The following CAMSAP1 variants were observed in gnomAD, a reference collection of about 807,000 sequenced individuals.
CAMSAP1 encodes the protein calmodulin regulated spectrin associated protein 1.
A neutral mutation model predicts 143.5 loss-of-function variants in CAMSAP1; 58 were observed. The observed-to-expected ratio is 0.40, with a 90% CI of 0.33 to 0.50. The LOEUF is 0.50. Ranked by LOEUF, CAMSAP1 falls within the 20% of genes least tolerant of loss-of-function variation. The probability of loss-of-function intolerance (pLI) is 0.45; values close to 1 mark genes in which losing one functional copy is unlikely to be tolerated. For synonymous variants in CAMSAP1, 945 were observed against 859.3 expected, an observed-to-expected ratio of 1.10 and a Z score of -1.74; for missense variants, 1,969 against 2,115.7, an observed-to-expected ratio of 0.93 and a Z score of 1.36.
Position 135,821,751 on chromosome 9 carries a change from C to T in CAMSAP1, c.2910G>A (p.Glu970=), listed in dbSNP as rs1835470758. Reference sequence around the variant, plus strand: ...GGCTCTCTTTGTCCACATCCTGTGGCTCGTGAAGGAGCTCCTCTCTCTGCT... The same window carrying T: ...GGCTCTCTTTGTCCACATCCTGTGGTTCGTGAAGGAGCTCCTCTCTCTGCT... ...KEEQREELLH[E]PQDVDKESLA... The change falls in exon 11 of 17, where the codon GAG becomes GAA. Residue 970 remains glutamate, a synonymous_variant. Coordinates refer to ENST00000389532, the MANE Select transcript of CAMSAP1 (RefSeq NM_015447.4). The surrounding 1 kb of genome is among the most constrained non-coding windows in gnomAD (Gnocchi z 4.6). 3 of 1,613,846 alleles carry T rather than the reference C, an allele frequency of 1.9e-6. No homozygotes were observed. The highest frequency in any genetic ancestry group is 1.3e-5 in the African/African-American group (1 of 74,926).
chr9:135,900,926 G>A (rs1250934904), intron 1 of CAMSAP1, among the ~76,000 whole-genome samples: 1 of 151,728 alleles, frequency 6.6e-6, no homozygotes, highest in East Asian at 2.0e-4. Flanking sequence ...AGCTAATTTT[G>A]TATTTTTAGT....
In CAMSAP1 at chr9:135,811,214, CAATA is replaced by C; in HGVS notation, c.*91_*94del. The C allele has an allele frequency of 7.3e-7, 1 of 1,374,334 alleles. No individual in the cohort carries two copies. Among genetic ancestry groups the C allele is most frequent in the East Asian group, 2.5e-5 (1 of 40,090 alleles). The allele number at this position is 1,374,334 out of a possible 1,614,324, so 85.1% of individuals were successfully genotyped here. ...CACTTCGTACCCAAATAGATGAAAA[CAATA>C]AATAAGGACCCCGTGGCACCCTCTG... is the stretch of plus-strand genomic sequence containing the variant. On this transcript the variant is annotated 3_prime_UTR_variant, in exon 17 of 17. Coordinates refer to ENST00000389532, the MANE Select transcript of CAMSAP1 (RefSeq NM_015447.4). The surrounding 1 kb of genome is among the most constrained non-coding windows in gnomAD (Gnocchi z 4.9).
chr9:135,845,985 T>C (rs769536260), intron 7 of CAMSAP1, among the ~76,000 whole-genome samples: 4 of 148,574 alleles, frequency 2.7e-5, no homozygotes, highest in East Asian at 2.0e-4. Flanking sequence ...CAAACTACCA[T>C]TGACTTTCTT....
rs1588444400 is a variant in CAMSAP1, at chr9:135,821,434, A to C, written c.3227T>G (p.Val1076Gly). 6.2e-7 allele frequency: 1 copy of C among 1,614,042 alleles called. No homozygotes were observed. The highest frequency in any genetic ancestry group is 8.5e-7 in the Non-Finnish European group (1 of 1,179,892). ...CACGCCCGTGGGAGAGAGTGGCTCC[A>C]CGAAGTGGACTGGTGCCTTCACTTT... is the stretch of plus-strand genomic sequence containing the variant. ...DHKVKAPVHF[V>G]EPLSPTGVAG... Residue 1076 changes from valine to glycine, a missense_variant, in exon 11 of 17, where the codon GTG becomes GGG. Physicochemically the swap from Val to Gly is moderately radical, Grantham distance 109 (BLOSUM62 -3). Transcript: ENST00000389532. The surrounding 1 kb of genome is among the most constrained non-coding windows in gnomAD (Gnocchi z 4.6).
intron 1 of CAMSAP1, among the ~76,000 whole-genome samples, chr9:135,905,985 A>G (rs1180579991): frequency 1.3e-5 from 2 of 152,218 alleles, no homozygotes; most frequent in African/African-American, 4.8e-5. Context: ...GTAAAACTGA[A>G]AACTGTCAAA....
Position 135,848,287 on chromosome 9 carries a change from G to T in CAMSAP1, c.1045+1850C>A, listed in dbSNP as rs117341719. ...GAGGTGACTTAAGAACATTCTAACA[G>T]CAAGGTAACCCAGTTCTAAGCTTTT... On this transcript the variant is annotated intron_variant, in intron 7 of 16. Coordinates refer to ENST00000389532, the MANE Select transcript of CAMSAP1 (RefSeq NM_015447.4). 1.0e-3 allele frequency among the ~76,000 whole-genome samples: 152 copies of T among 152,164 alleles called. No homozygotes were observed. In the East Asian group the frequency reaches 0.014, roughly 14 times the overall value.
At chr9:135,878,942 T>C (rs76487513) in intron 3 of CAMSAP1, among the ~76,000 whole-genome samples, 1 of 151,980 alleles carries the variant, frequency 6.6e-6, no homozygotes, top group East Asian at 1.9e-4. Context: ...GAAAAGGTCA[T>C]GAAAACTAAA....
At position 135,822,401 on chromosome 9, in the gene CAMSAP1, C is replaced by T. The variant is rs1295611228; in HGVS notation, c.2260G>A (p.Gly754Ser). Residue 754 changes from glycine to serine, a missense_variant, in exon 11 of 17, where the codon GGT becomes AGT. Around this residue, in one of 4 missense-constraint regions of CAMSAP1, gnomAD observed 1,390 missense variants for 1,420.8 expected, o/e 0.98. Transcript: ENST00000389532. This position sits in a 1 kb window ranked among gnomAD's most constrained non-coding sequence, Gnocchi z 6.1. ...CTGAAAACCACAGGATGGGCCTCACCCATGAAATCGTGCTCGGCTTCCTCT... is the reference window on the plus strand; with the variant it reads ...CTGAAAACCACAGGATGGGCCTCACTCATGAAATCGTGCTCGGCTTCCTCT... Reference protein sequence around the residue: ...DIEEAEHDFMGEAHPVVFSRY... With the variant: ...DIEEAEHDFMSEAHPVVFSRY... The T allele has an allele frequency of 1.9e-6, 3 of 1,613,888 alleles. No individual in the cohort carries two copies. The African/African-American group carries it at 4.0e-5, about 22-fold the overall frequency.
chr9:135,873,533 C>T (rs1042263783), intron 3 of CAMSAP1, among the ~76,000 whole-genome samples: 5 of 151,898 alleles, frequency 3.3e-5, no homozygotes, highest in Non-Finnish European at 5.9e-5. Flanking sequence ...GTTGATAAAT[C>T]GGACTAATCA....
At chr9:135,906,505 G>A (rs866741600) in intron 1 of CAMSAP1, among the ~76,000 whole-genome samples, 1 of 152,272 alleles carries the variant, frequency 6.6e-6, no homozygotes, top group South Asian at 2.1e-4. Flanking sequence ...TTATGATTAA[G>A]CACAATGCGC....
At chr9:135,819,992 G>A (rs749645733) in intron 11 of CAMSAP1, among the ~76,000 whole-genome samples, 4 of 152,228 alleles carry the variant, frequency 2.6e-5, no homozygotes, top group African/African-American at 7.2e-5. Context: ...CTGCCTGGAG[G>A]CAAAGCAGAA....
At chr9:135,814,655 C>A (rs929715630) in intron 16 of CAMSAP1, among the ~76,000 whole-genome samples, 3 of 152,164 alleles carry the variant, frequency 2.0e-5, no homozygotes, top group Non-Finnish European at 4.4e-5. Flanking sequence ...GTCCTCCGTC[C>A]TCGGTCCTCC....
intron 5 of CAMSAP1, among the ~76,000 whole-genome samples, chr9:135,851,071 G>A (rs1220811270): frequency 6.6e-6 from 1 of 152,204 alleles, no homozygotes; most frequent in African/African-American, 2.4e-5. Context: ...GGAAGCACCA[G>A]TATGGGCAAC....
intron 1 of CAMSAP1, among the ~76,000 whole-genome samples, chr9:135,892,891 G>A (rs1030383846): frequency 8.5e-5 from 11 of 128,662 alleles, no homozygotes; most frequent in African/African-American, 3.2e-4. Context: ...ATTATAGGCT[G>A]GGCACAGTGG....
At chr9:135,890,027 A>G (rs1838238686) in intron 1 of CAMSAP1, among the ~76,000 whole-genome samples, 1 of 144,114 alleles carries the variant, frequency 6.9e-6, no homozygotes, top group African/African-American at 2.5e-5. Context: ...GCAAAGGAGC[A>G]TGGGAGGCCC....
At chr9:135,871,412 T>C (rs967122417) in intron 3 of CAMSAP1, among the ~76,000 whole-genome samples, 1 of 152,138 alleles carries the variant, frequency 6.6e-6, no homozygotes, top group Non-Finnish European at 1.5e-5. Flanking sequence ...GGTCTTGAAC[T>C]CCCTGGCTCA....
chr9:135,811,975 C>T lies in CAMSAP1; in HGVS notation c.4507-364G>A, dbSNP rs568647812. Among the ~76,000 whole-genome samples, 2 of 152,256 alleles carry T rather than the reference C, an allele frequency of 1.3e-5. No individual in the cohort carries two copies. Among genetic ancestry groups the T allele is most frequent in the African/African-American group, 4.8e-5 (2 of 41,572 alleles). ...GAAGCAGGGCGGTAACGAGTGCTGG[C>T]GAGCCATGGGGCTCTTTCACTGCCA... On this transcript the variant is annotated intron_variant, in intron 16 of 16. Coordinates refer to ENST00000389532, the MANE Select transcript of CAMSAP1 (RefSeq NM_015447.4). This position sits in a 1 kb window ranked among gnomAD's most constrained non-coding sequence, Gnocchi z 4.9.
At chr9:135,833,560 G>A (rs1206155187) in intron 7 of CAMSAP1, among the ~76,000 whole-genome samples, 1 of 152,304 alleles carries the variant, frequency 6.6e-6, no homozygotes, top group South Asian at 2.1e-4. Context: ...ACACCATGGG[G>A]AAAGGATAGT....
Position 135,818,773 on chromosome 9 carries a change from G to A in CAMSAP1, c.3960-157C>T. ...CAAGCGGGACACAGAGGCTGCAAAGGCAGTCCTGCAGATGACCCACCGAGG... is the reference window on the plus strand; with the variant it reads ...CAAGCGGGACACAGAGGCTGCAAAGACAGTCCTGCAGATGACCCACCGAGG... On this transcript the variant is annotated intron_variant, in intron 12 of 16. Coordinates refer to ENST00000389532, the MANE Select transcript of CAMSAP1 (RefSeq NM_015447.4). The surrounding 1 kb of genome is among the most constrained non-coding windows in gnomAD (Gnocchi z 7.7). 9.3e-7 allele frequency: 1 copy of A among 1,077,950 alleles called. No homozygotes were observed. The highest frequency in any genetic ancestry group is 1.3e-6 in the Non-Finnish European group (1 of 766,592). 66.8% of individuals were successfully genotyped at this position (1,077,950 alleles called of 1,614,324 possible).
Sources: gnomAD v4.1 joint callset for allele counts (sites outside exome capture counted in the v4.1 genomes callset) on GRCh38, gnomAD v4.1.1 for gene constraint, gnomAD v4.1.1 regional missense constraint, Gnocchi (gnomAD v3.1) non-coding constraint, MANE v1.5 for transcripts, NCBI Gene and HGNC (gene_info 2026-07-23, HGNC 2026-07-21) for gene names.